The following ZNF438 variants were observed in gnomAD, a reference collection of about 807,000 sequenced individuals.
The protein encoded by ZNF438 is zinc finger protein 438.
A neutral mutation model predicts 38.0 loss-of-function variants in ZNF438; 25 were observed. The observed-to-expected ratio is 0.66, with a 90% CI of 0.48 to 0.92. The LOEUF is 0.92. Ranked by LOEUF, ZNF438 falls within the 40% of genes least tolerant of loss-of-function variation. The probability of loss-of-function intolerance (pLI) is 0.00; values close to 1 mark genes in which losing one functional copy is unlikely to be tolerated. For missense variants in ZNF438, 1,007 were observed against 999.6 expected (o/e 1.01, Z -0.10); for synonymous variants, 372 against 364.1 (o/e 1.02, Z -0.25).
chr10:30,904,657 C>T (rs1017885227), intron 3 of ZNF438, among the ~76,000 whole-genome samples: 20 of 152,270 alleles, frequency 1.3e-4, no homozygotes, highest in Middle Eastern at 6.8e-3. Flanking sequence ...TCTTCTCGGA[C>T]GCACCCTGCA....
rs144666543 is a variant in ZNF438 at position 30,944,456 on chromosome 10, A to T, written c.-191-2805T>A. On this transcript the variant is annotated intron_variant, in intron 1 of 5. Transcript: ENST00000413025. ...ATTGGTCCCTTCAAACTCCACCAAC[A>T]GGGATGTAAAGTAAATAAATAGAAA... Among the ~76,000 whole-genome samples, 30 of 152,318 alleles carry T rather than the reference A, an allele frequency of 2.0e-4. No individual in the cohort carries two copies. In the East Asian group the frequency reaches 5.8e-3, roughly 29 times the overall value.
intron 1 of ZNF438, among the ~76,000 whole-genome samples, chr10:30,953,884 C>T (rs2048552928): frequency 6.6e-6 from 1 of 152,152 alleles, no homozygotes; most frequent in South Asian, 2.1e-4. Context: ...TGGCTCACAC[C>T]TGTACTCCCA....
At chr10:30,959,671 C>T (rs2049259388) in intron 1 of ZNF438, among the ~76,000 whole-genome samples, 1 of 145,808 alleles carries the variant, frequency 6.9e-6, no homozygotes, top group South Asian at 2.2e-4. Flanking sequence ...TGGCGTGAAC[C>T]CGGGAGGCGG....
intron 5 of ZNF438, among the ~76,000 whole-genome samples, 163 bp from the exon 7 acceptor site, chr10:30,845,736 T>C (rs528676679): frequency 4.8e-4 from 73 of 152,322 alleles, no homozygotes; most frequent in Middle Eastern, 3.4e-3. Context: ...GCAAGGACCG[T>C]GGTGAATACT....
chr10:30,991,944 A>C (rs1199769493), intron 1 of ZNF438, among the ~76,000 whole-genome samples: 1 of 152,226 alleles, frequency 6.6e-6, no homozygotes. Context: ...TTCTGCCCCA[A>C]GATCAACTCC....
intron 4 of ZNF438, chr10:30,857,633 T>C: frequency 7.3e-7 from 1 of 1,373,988 alleles, no homozygotes; most frequent in Non-Finnish European, 1.0e-6. Flanking sequence ...AAATTAATAG[T>C]CATTTGAAAG....
intron 1 of ZNF438, among the ~76,000 whole-genome samples, chr10:30,988,242 G>A (rs1483124053): frequency 1.3e-5 from 2 of 151,194 alleles, no homozygotes; most frequent in African/African-American, 2.4e-5. Flanking sequence ...CCTCATTATC[G>A]ACATAGAGAT....
chr10:30,933,255 C>T (rs1163649855), intron 2 of ZNF438, among the ~76,000 whole-genome samples: 1 of 152,162 alleles, frequency 6.6e-6, no homozygotes, highest in Non-Finnish European at 1.5e-5. Flanking sequence ...TAGGTTACAA[C>T]CTATAATGTA....
At chr10:30,956,360 C>T (rs1425870022) in intron 1 of ZNF438, among the ~76,000 whole-genome samples, 3 of 152,150 alleles carry the variant, frequency 2.0e-5, no homozygotes, top group Non-Finnish European at 2.9e-5. Context: ...ATTTTTGACA[C>T]ATAATAATTG....
intron 1 of ZNF438, among the ~76,000 whole-genome samples, chr10:30,949,826 T>A (rs571755167): frequency 6.6e-6 from 1 of 151,722 alleles, no homozygotes; most frequent in Non-Finnish European, 1.5e-5. Flanking sequence ...CTGTCAACAT[T>A]AGACAGATCA....
At chr10:30,983,124 G>C (rs2052397129) in intron 1 of ZNF438, among the ~76,000 whole-genome samples, 1 of 152,232 alleles carries the variant, frequency 6.6e-6, no homozygotes, top group South Asian at 2.1e-4. Context: ...GGGCCTGCTT[G>C]GAATAACAGA....
intron 1 of ZNF438, among the ~76,000 whole-genome samples, chr10:31,000,443 G>A (rs1013058208): frequency 2.6e-5 from 4 of 152,168 alleles, no homozygotes; most frequent in African/African-American, 7.2e-5. Flanking sequence ...GAGAAACACT[G>A]ATGTATAATT....
intron 2 of ZNF438, among the ~76,000 whole-genome samples, chr10:30,925,691 C>T (rs1038887229): frequency 2.0e-5 from 3 of 152,146 alleles, no homozygotes; most frequent in African/African-American, 7.2e-5. Context: ...GTGAGAATGA[C>T]TGAATGCCAA....
At position 30,879,316 on chromosome 10, in the gene ZNF438, C is replaced by G. The variant is rs182349008; in HGVS notation, c.-31-2251G>C. Among the ~76,000 whole-genome samples, 227 of 152,264 alleles carry G rather than the reference C, an allele frequency of 1.5e-3. 1 individual carries two copies. The highest frequency in any genetic ancestry group is 3.8e-4 in the Non-Finnish European group (26 of 68,018). On this transcript the variant is annotated intron_variant, in intron 3 of 5. Transcript: ENST00000413025. ...TCTAAACTGTGCATTTCTCTGGTTT[C>G]ACGTAAATCTTAAAGCAAGACATGA...
At chr10:30,949,328 A>G (rs1291074835) in intron 1 of ZNF438, among the ~76,000 whole-genome samples, 2 of 152,224 alleles carry the variant, frequency 1.3e-5, no homozygotes, top group Non-Finnish European at 2.9e-5. Flanking sequence ...AAGACTACGA[A>G]GAAACTGCAT....
At chr10:30,937,601 T>G (rs2046388600) in intron 2 of ZNF438, among the ~76,000 whole-genome samples, 2 of 152,168 alleles carry the variant, frequency 1.3e-5, no homozygotes, top group South Asian at 4.1e-4. Context: ...AAATTACTAT[T>G]TAAGTTGCCA....
intron 1 of ZNF438, among the ~76,000 whole-genome samples, chr10:30,982,873 T>C (rs1055172859): frequency 6.6e-6 from 1 of 152,202 alleles, no homozygotes; most frequent in African/African-American, 2.4e-5. Context: ...AGCAATAGAT[T>C]CTGTATTATT....
intron 1 of ZNF438, among the ~76,000 whole-genome samples, chr10:31,005,870 C>T (rs1753760405): frequency 6.6e-6 from 1 of 152,184 alleles, no homozygotes; most frequent in Admixed American, 6.5e-5. Context: ...GAAAGATATG[C>T]ATATATGATA....
intron 5 of ZNF438, among the ~76,000 whole-genome samples, chr10:30,846,611 T>C (rs1248792199): frequency 2.6e-5 from 4 of 152,168 alleles, no homozygotes; most frequent in Non-Finnish European, 5.9e-5. Context: ...CCTTTCCAAG[T>C]TGACGGTGTG....
Sources: allele counts gnomAD v4.1 joint callset (sites outside exome capture counted in the v4.1 genomes callset), GRCh38; gene constraint gnomAD v4.1.1; transcripts MANE v1.5; gene names NCBI Gene and HGNC (gene_info 2026-07-23, HGNC 2026-07-21).